The following AAK1 variants were observed in gnomAD, a reference collection of about 807,000 sequenced individuals.
AAK1 encodes the protein AP2 associated kinase 1.
AAK1 carries 37 observed loss-of-function variants against 116.0 expected under a neutral mutation model. The ratio of observed to expected loss-of-function variants is 0.32; its 90% CI spans 0.25 to 0.42. The LOEUF (loss-of-function observed/expected upper bound fraction) is 0.42, where lower values mean the gene tolerates loss of function less well. Among genes scored for constraint, AAK1 ranks in the 10% least tolerant of loss-of-function variants. The pLI is 1.00. For missense variants in AAK1, 919 were observed against 1,170.6 expected (o/e 0.79, Z 3.14); for synonymous variants, 458 against 439.9 (o/e 1.04, Z -0.51).
At chr2:69,492,220 C>CT (rs879461266) in intron 17 of AAK1, among the ~76,000 whole-genome samples, 3,004 of 147,490 alleles carry the variant, frequency 0.02, 105 homozygotes, top group African/African-American at 0.069. Flanking sequence ...GTCCATGAGT[C>CT]TTTTTTTTTT....
chr2:69,529,436 C>T (rs1386849946), intron 8 of AAK1, among the ~76,000 whole-genome samples: 1 of 151,924 alleles, frequency 6.6e-6, no homozygotes, highest in African/African-American at 2.4e-5. Context: ...ATTCTACCAT[C>T]TGGTTAATGA....
At chr2:69,596,283 C>T (rs1332152025) in intron 2 of AAK1, among the ~76,000 whole-genome samples, 3 of 150,592 alleles carry the variant, frequency 2.0e-5, no homozygotes, top group South Asian at 2.1e-4. Context: ...TGCAGTGGCG[C>T]CATTTTGGCT....
chr2:69,604,787 A>G (rs1673728262), intron 2 of AAK1, among the ~76,000 whole-genome samples: 1 of 152,124 alleles, frequency 6.6e-6, no homozygotes, highest in Non-Finnish European at 1.5e-5. Flanking sequence ...CCACACCCCA[A>G]CTGCACCCCA....
At chr2:69,606,968 A>T (rs1243938755) in intron 2 of AAK1, among the ~76,000 whole-genome samples, 4 of 142,044 alleles carry the variant, frequency 2.8e-5, no homozygotes, top group South Asian at 2.4e-4. Flanking sequence ...TGGCAGGCTG[A>T]GGTGGGAGGA....
intron 3 of AAK1, among the ~76,000 whole-genome samples, chr2:69,550,820 TGGACA>T (rs1485380961): frequency 6.6e-6 from 1 of 152,126 alleles, no homozygotes; most frequent in East Asian, 1.9e-4. Flanking sequence ...TTGGCCATTT[TGGACA>T]GGCTGGTCTC....
intron 2 of AAK1, among the ~76,000 whole-genome samples, chr2:69,632,099 T>A (rs1270809827): frequency 1.3e-5 from 2 of 152,222 alleles, no homozygotes; most frequent in Non-Finnish European, 2.9e-5. Context: ...TAGTTTATCA[T>A]TCCTGAGTGA....
intron 1 of AAK1, 42 bp downstream of exon 1, chr2:69,643,533 T>A: frequency 8.2e-7 from 1 of 1,226,026 alleles, no homozygotes; most frequent in Non-Finnish European, 1.0e-6. Flanking sequence ...TCCTCCCGGG[T>A]CTCCCCGCCG....
intron 2 of AAK1, among the ~76,000 whole-genome samples, chr2:69,604,430 TCTC>T (rs1254310064): frequency 2.0e-5 from 3 of 152,162 alleles, no homozygotes; most frequent in Admixed American, 2.0e-4. Flanking sequence ...TCATGCTTCT[TCTC>T]CTCTCCAACT....
In AAK1 at chr2:69,464,596, G is replaced by A. The variant is rs891657869; in HGVS notation, c.*11273C>T. 3 of 152,568 alleles carry A rather than the reference G, an allele frequency of 2.0e-5. No homozygotes were observed. Among genetic ancestry groups the A allele is most frequent in the South Asian group, 2.1e-4 (1 of 4,818 alleles). The allele number at this position is 152,568 out of a possible 1,614,324, so 9.5% of individuals were successfully genotyped here. On this transcript the variant is annotated 3_prime_UTR_variant, in exon 22 of 22. Transcript: ENST00000409085. ...AACGAGTGATTTCATTGTGGAGGTAGGCATGATGGGGCAGGATTTCCCTCA... is the reference window on the plus strand; with the variant it reads ...AACGAGTGATTTCATTGTGGAGGTAAGCATGATGGGGCAGGATTTCCCTCA...
intron 2 of AAK1, among the ~76,000 whole-genome samples, chr2:69,640,680 A>G (rs1379559510): frequency 6.6e-6 from 1 of 152,142 alleles, no homozygotes; most frequent in Admixed American, 6.5e-5. Flanking sequence ...AACTCAACTT[A>G]AGCCAAAGAA....
At position 69,518,975 on chromosome 2, in the gene AAK1, C is replaced by T; in HGVS notation, c.1476G>A (p.Gln492=). ...TTACCTGCTGAGTCTGGGCCTGCTG[C>T]TGCTGGTAAAACGTGCCTGCCGGCT... The part of the protein sequence containing the change: ...QQQPAGTFYQ[Q]QQAQTQQFQA... Residue 492 remains glutamine, a synonymous_variant, in exon 12 of 22, where the codon CAG becomes CAA. Transcript: ENST00000409085. 1.9e-6 allele frequency: 3 copies of T among 1,548,778 alleles called. No homozygotes were observed. Among genetic ancestry groups the T allele is most frequent in the Non-Finnish European group, 2.6e-6 (3 of 1,146,280 alleles).
rs937490561 is a variant in AAK1, at chr2:69,461,559, T to C, written c.*14310A>G. 8.7e-5 allele frequency: 33 copies of C among 378,878 alleles called. No homozygotes were observed. The highest frequency in any genetic ancestry group is 6.7e-4 in the African/African-American group (30 of 44,704). The allele number at this position is 378,878 out of a possible 1,614,324, so 23.5% of individuals were successfully genotyped here. On this transcript the variant is annotated 3_prime_UTR_variant, in exon 22 of 22. Coordinates refer to ENST00000409085, the MANE Select transcript of AAK1 (RefSeq NM_014911.5). ...CATCCGTTTCTGTATTCAAAGAAGGTATGTAGAGTCTCCACCCATCATGTC... is the reference window on the plus strand; with the variant it reads ...CATCCGTTTCTGTATTCAAAGAAGGCATGTAGAGTCTCCACCCATCATGTC...
intron 10 of AAK1, among the ~76,000 whole-genome samples, chr2:69,521,479 G>C (rs1669776805): frequency 6.6e-6 from 1 of 152,178 alleles, no homozygotes; most frequent in Non-Finnish European, 1.5e-5. Context: ...ATGCAGATGA[G>C]TGAATCCAAC....
intron 14 of AAK1, 117 bp from the exon 15 acceptor site, chr2:69,507,695 T>G (rs923250548): frequency 2.4e-5 from 26 of 1,079,942 alleles, no homozygotes; most frequent in African/African-American, 3.2e-5. Context: ...AACCATCATT[T>G]TCCACCACAG....
Position 69,556,852 on chromosome 2 carries a change from A to AGCC in AAK1, c.282+5_282+7dup, listed in dbSNP as rs953247155. The AGCC allele has an allele frequency of 1.2e-6, 2 of 1,601,556 alleles. No homozygotes were observed. Among genetic ancestry groups the AGCC allele is most frequent in the Non-Finnish European group, 1.7e-6 (2 of 1,168,696 alleles). ...TTAAACAGTCCCAAGTCCAAGGGGC[A>AGCC]GCCTTACCATTATCTGGATTTCTCT... On this transcript the variant is annotated splice_region_variant and intron_variant, in intron 3 of 21. Transcript: ENST00000409085.
intron 2 of AAK1, among the ~76,000 whole-genome samples, chr2:69,637,365 G>C (rs1675493368): frequency 6.6e-6 from 1 of 152,282 alleles, no homozygotes; most frequent in African/African-American, 2.4e-5. Context: ...ATGACTGTGA[G>C]GTCCTCAAGG....
At chr2:69,595,789 T>C (rs1329081769) in intron 2 of AAK1, among the ~76,000 whole-genome samples, 2 of 152,228 alleles carry the variant, frequency 1.3e-5, no homozygotes, top group African/African-American at 4.8e-5. Flanking sequence ...TGGAAGAAGA[T>C]GCCATCTAAG....
chr2:69,616,289 C>A (rs907600513), intron 2 of AAK1, among the ~76,000 whole-genome samples: 5 of 152,100 alleles, frequency 3.3e-5, no homozygotes, highest in Non-Finnish European at 5.9e-5. Flanking sequence ...AGCCACCATG[C>A]CCAGCTGCAC....
chr2:69,519,260 C>T lies in AAK1; in HGVS notation c.1211-20G>A. 1 of 1,518,624 alleles carries T rather than the reference C, an allele frequency of 6.6e-7. No individual in the cohort carries two copies. The highest frequency in any genetic ancestry group is 8.8e-7 in the Non-Finnish European group (1 of 1,131,996). The allele number at this position is 1,518,624 out of a possible 1,614,324, so 94.1% of individuals were successfully genotyped here. On this transcript the variant is annotated intron_variant, in intron 11 of 21. Coordinates refer to ENST00000409085, the MANE Select transcript of AAK1 (RefSeq NM_014911.5). ...TGGATCCTGCAATGAGAATAAAGTC[C>T]ATGTAAGGGTTCCAAATGCTTCCAC...
Sources: gnomAD v4.1 joint callset for allele counts (sites outside exome capture counted in the v4.1 genomes callset) on GRCh38, gnomAD v4.1.1 for gene constraint, MANE v1.5 for transcripts, NCBI Gene and HGNC (gene_info 2026-07-23, HGNC 2026-07-21) for gene names.